SPAG16: variants seen among roughly 807,000 people sequenced by gnomAD.
SPAG16 encodes the protein sperm associated antigen 16.
Under a neutral mutation model 80.4 loss-of-function variants are expected in SPAG16, and 86 were observed. The observed-to-expected ratio is 1.07, with a 90% CI of 0.90 to 1.28. The LOEUF is 1.28. SPAG16 is among the 50% of genes most tolerant of loss of function. The probability of loss-of-function intolerance (pLI) is 0.00; values close to 1 mark genes in which losing one functional copy is unlikely to be tolerated. For missense variants in SPAG16, 870 were observed against 765.3 expected (o/e 1.14, Z -1.61); for synonymous variants, 294 against 265.9 (o/e 1.11, Z -1.03).
intron 9 of SPAG16, among the ~76,000 whole-genome samples, chr2:213,426,683 C>A (rs2069936245): frequency 1.3e-5 from 2 of 151,926 alleles, no homozygotes; most frequent in South Asian, 4.1e-4. Context: ...TTCTCCTATA[C>A]TACCATCATC....
chr2:214,107,022 T>C (rs2125400353), intron 13 of SPAG16, among the ~76,000 whole-genome samples: 1 of 152,290 alleles, frequency 6.6e-6, no homozygotes, highest in East Asian at 1.9e-4. Flanking sequence ...ACTTTCATTC[T>C]TGGCTAACTC....
At chr2:213,317,108 G>A in intron 4 of SPAG16, 111 bp from the exon 5 acceptor site, 1 of 586,280 alleles carries the variant, frequency 1.7e-6, no homozygotes, top group Non-Finnish European at 3.0e-6. Context: ...ATGTAATACT[G>A]CAACTAATTA....
At chr2:213,407,307 C>T (rs904669210) in intron 9 of SPAG16, among the ~76,000 whole-genome samples, 1 of 151,926 alleles carries the variant, frequency 6.6e-6, no homozygotes, top group East Asian at 1.9e-4. Context: ...GGCAAGACAC[C>T]CCCTGGTTTG....
chr2:213,387,563 T>C (rs1283051220), intron 9 of SPAG16, among the ~76,000 whole-genome samples: 3 of 90,972 alleles, frequency 3.3e-5, no homozygotes, highest in Non-Finnish European at 6.0e-5. Flanking sequence ...CACGCCATTC[T>C]CCTGCCTCAG....
chr2:213,441,812 A>C (rs1176822361), intron 9 of SPAG16, among the ~76,000 whole-genome samples: 40 of 152,310 alleles, frequency 2.6e-4, no homozygotes. Context: ...TACAAAAGTC[A>C]ACCACTTTCC....
At chr2:214,043,494 T>A (rs2049147818) in intron 13 of SPAG16, among the ~76,000 whole-genome samples, 1 of 152,198 alleles carries the variant, frequency 6.6e-6, no homozygotes, top group African/African-American at 2.4e-5. Context: ...ATTTCTTTCT[T>A]TCATTGATTT....
intron 12 of SPAG16, among the ~76,000 whole-genome samples, chr2:213,941,483 G>T (rs927426015): frequency 4.6e-5 from 7 of 152,186 alleles, no homozygotes; most frequent in African/African-American, 1.7e-4. Context: ...GAGAGAGAGA[G>T]ATTGTTCTTG....
At chr2:213,605,781 A>G (rs1233742511) in intron 10 of SPAG16, among the ~76,000 whole-genome samples, 1 of 152,062 alleles carries the variant, frequency 6.6e-6, no homozygotes, top group East Asian at 1.9e-4. Context: ...GAGCCACCGC[A>G]CCCAGCCTGG....
intron 10 of SPAG16, among the ~76,000 whole-genome samples, chr2:213,736,043 T>A (rs1395560578): frequency 1.3e-5 from 2 of 152,298 alleles, no homozygotes; most frequent in East Asian, 3.9e-4. Context: ...AGGTAGAATT[T>A]TAATACAGCT....
chr2:213,651,650 G>A (rs747225667), intron 10 of SPAG16, among the ~76,000 whole-genome samples: 66 of 152,032 alleles, frequency 4.3e-4, no homozygotes, highest in Non-Finnish European at 8.4e-4. Context: ...AATTGCACAC[G>A]AAAATGTCTC....
chr2:214,182,857 A>G (rs994147063), intron 15 of SPAG16, among the ~76,000 whole-genome samples: 4 of 151,844 alleles, frequency 2.6e-5, no homozygotes, highest in Admixed American at 6.6e-5. Context: ...CTTCAGAAAA[A>G]TTTTGAAAAA....
intron 15 of SPAG16, among the ~76,000 whole-genome samples, chr2:214,260,833 G>T (rs1397562960): frequency 6.6e-6 from 1 of 152,020 alleles, no homozygotes; most frequent in Admixed American, 6.6e-5. Context: ...TTGGCCAGGT[G>T]CAGTGGCTCA....
intron 11 of SPAG16, among the ~76,000 whole-genome samples, chr2:213,877,368 G>A (rs779026288): frequency 5.3e-5 from 8 of 151,940 alleles, no homozygotes; most frequent in Non-Finnish European, 7.4e-5. Context: ...GGAGTGTGGT[G>A]GTGTGATCTT....
intron 13 of SPAG16, among the ~76,000 whole-genome samples, chr2:214,100,110 A>G (rs962981006): frequency 4.0e-5 from 6 of 151,814 alleles, no homozygotes; most frequent in African/African-American, 1.5e-4. Flanking sequence ...TTAACATGAG[A>G]TCTGATGGTT....
At chr2:214,353,204 G>T (rs529874951) in intron 15 of SPAG16, among the ~76,000 whole-genome samples, 13 of 152,162 alleles carry the variant, frequency 8.5e-5, no homozygotes, top group African/African-American at 3.1e-4. Context: ...TCAAGAAAGA[G>T]GGAGGTAACT....
chr2:213,412,600 C>A (rs2069037216), intron 9 of SPAG16, among the ~76,000 whole-genome samples: 1 of 151,856 alleles, frequency 6.6e-6, no homozygotes, highest in Non-Finnish European at 1.5e-5. Context: ...ACATCTTGTG[C>A]CACTCTCAGT....
At chr2:213,930,468 T>G (rs2078701218) in intron 12 of SPAG16, among the ~76,000 whole-genome samples, 1 of 152,222 alleles carries the variant, frequency 6.6e-6, no homozygotes, top group Non-Finnish European at 1.5e-5. Flanking sequence ...GTTGGATTTT[T>G]AGTTCCGCTT....
chr2:213,847,462 AG>A (rs2074686683), intron 10 of SPAG16, among the ~76,000 whole-genome samples: 1 of 152,094 alleles, frequency 6.6e-6, no homozygotes, highest in African/African-American at 2.4e-5. Context: ...AGAGCAAGAG[AG>A]AAAGACTGAA....
chr2:213,819,406 GTTTA>G (rs1274667944), intron 10 of SPAG16, among the ~76,000 whole-genome samples: 1 of 152,058 alleles, frequency 6.6e-6, no homozygotes, highest in Non-Finnish European at 1.5e-5. Flanking sequence ...TTGTTAACTT[GTTTA>G]TTTGATTATT....
Sources: allele counts gnomAD v4.1 joint callset (sites outside exome capture counted in the v4.1 genomes callset), GRCh38; gene constraint gnomAD v4.1.1; transcripts MANE v1.5; gene names NCBI Gene and HGNC (gene_info 2026-07-23, HGNC 2026-07-21).